The following DTNBP1 variants were observed in gnomAD, a reference collection of about 807,000 sequenced individuals.
DTNBP1 encodes dystrobrevin binding protein 1.
In DTNBP1, 35 loss-of-function variants were observed where a neutral mutation model predicts 42.8. That is an observed-to-expected ratio of 0.82 (90% CI 0.63 to 1.09). DTNBP1 has a LOEUF of 1.09. Among genes scored for constraint, DTNBP1 ranks in the 50% least tolerant of loss-of-function variants. The probability of loss-of-function intolerance (pLI) is 0.00; values close to 1 mark genes in which losing one functional copy is unlikely to be tolerated. For synonymous variants in DTNBP1, 171 were observed against 162.2 expected, an observed-to-expected ratio of 1.05 and a Z score of -0.41; for missense variants, 457 against 424.2, an observed-to-expected ratio of 1.08 and a Z score of -0.68.
chr6:15,655,507 G>T (rs1761229430), intron 1 of DTNBP1, among the ~76,000 whole-genome samples: 1 of 152,052 alleles, frequency 6.6e-6, no homozygotes, highest in East Asian at 1.9e-4. Flanking sequence ...TGGCCAATGT[G>T]CCAAAATGCA....
intron 7 of DTNBP1, among the ~76,000 whole-genome samples, chr6:15,534,970 C>T (rs1773126453): frequency 6.6e-6 from 1 of 152,136 alleles, no homozygotes; most frequent in Admixed American, 6.5e-5. Flanking sequence ...CCCCAAATCT[C>T]CCAGCTATAA....
intron 5 of DTNBP1, among the ~76,000 whole-genome samples, chr6:15,625,660 G>A (rs757201354): frequency 6.6e-6 from 1 of 152,168 alleles, no homozygotes; most frequent in Non-Finnish European, 1.5e-5. Flanking sequence ...GAGAACTGTG[G>A]CAGAATGCAT....
At chr6:15,541,230 C>A (rs1158121369) in intron 7 of DTNBP1, among the ~76,000 whole-genome samples, 1 of 152,148 alleles carries the variant, frequency 6.6e-6, no homozygotes, top group Non-Finnish European at 1.5e-5. Context: ...AGCGACGTGA[C>A]TGAATGAGGA....
rs370226322 is a variant in DTNBP1, at chr6:15,662,775, C to G, written c.56+39G>C. The stretch of plus-strand genomic sequence containing the variant: ...AGGGGCATCCCAGGCGGCGGCCCGG[C>G]CCCCTCAGGTCCCTTTTCGTCGCCC... On this transcript the variant is annotated intron_variant, in intron 1 of 9. Transcript: ENST00000344537. 7 of 1,611,408 alleles carry G rather than the reference C, an allele frequency of 4.3e-6. No individual in the cohort carries two copies. The Admixed American group carries it at 1.2e-4, about 27-fold the overall frequency.
chr6:15,593,105 C>G (rs1429315376), intron 6 of DTNBP1, 24 bp from the exon 7 acceptor site: 3 of 1,490,534 alleles, frequency 2.0e-6, no homozygotes, highest in Non-Finnish European at 2.7e-6. Flanking sequence ...AAAAAAAAGA[C>G]AAGACAATGC....
intron 3 of DTNBP1, among the ~76,000 whole-genome samples, chr6:15,647,821 A>G (rs1050899085): frequency 6.6e-6 from 1 of 151,990 alleles, no homozygotes; most frequent in Non-Finnish European, 1.5e-5. Flanking sequence ...GGTGAATTCT[A>G]CCAAACATTT....
chr6:15,594,766 T>C (rs1208493705), intron 6 of DTNBP1, among the ~76,000 whole-genome samples: 3 of 152,050 alleles, frequency 2.0e-5, no homozygotes, highest in Non-Finnish European at 4.4e-5. Context: ...AGTAATTCTT[T>C]TTTTTTTTCT....
chr6:15,573,540 C>T (rs909801812), intron 7 of DTNBP1, among the ~76,000 whole-genome samples: 3 of 152,130 alleles, frequency 2.0e-5, no homozygotes, highest in African/African-American at 2.4e-5. Flanking sequence ...AAGACAAGGG[C>T]GCAGTGGCTC....
chr6:15,527,721 G>A (rs1188665788), intron 8 of DTNBP1, among the ~76,000 whole-genome samples: 2 of 152,132 alleles, frequency 1.3e-5, no homozygotes, highest in Admixed American at 6.5e-5. Context: ...TATGTTCTGG[G>A]TAAGACTCAT....
At chr6:15,611,915 T>C (rs778389577) in intron 6 of DTNBP1, among the ~76,000 whole-genome samples, 8 of 152,190 alleles carry the variant, frequency 5.3e-5, no homozygotes, top group Non-Finnish European at 8.8e-5. Flanking sequence ...TGAACATTTT[T>C]GAAATGACAA....
At chr6:15,523,901 G>C (rs539159523) in intron 9 of DTNBP1, 1 of 1,287,260 alleles carries the variant, frequency 7.8e-7, no homozygotes, top group African/African-American at 1.5e-5. Context: ...TCTACAGATG[G>C]CTGAGGTGCT....
chr6:15,590,908 A>C (rs1776272389), intron 7 of DTNBP1, among the ~76,000 whole-genome samples: 1 of 152,214 alleles, frequency 6.6e-6, no homozygotes, highest in Admixed American at 6.5e-5. Flanking sequence ...CCCCCAATTT[A>C]GAAAAGAGCT....
intron 5 of DTNBP1, 88 bp downstream of exon 5, chr6:15,627,255 G>A (rs1211549752): frequency 1.3e-6 from 2 of 1,538,686 alleles, no homozygotes; most frequent in Non-Finnish European, 1.8e-6. Flanking sequence ...AATTTCATGT[G>A]TTCCTGAAAA....
chr6:15,583,782 A>C (rs938174719), intron 7 of DTNBP1, among the ~76,000 whole-genome samples: 1 of 152,216 alleles, frequency 6.6e-6, no homozygotes, highest in Non-Finnish European at 1.5e-5. Context: ...AAAATACTCT[A>C]TTGCTATAAT....
chr6:15,634,248 T>C (rs1392292177), intron 4 of DTNBP1, among the ~76,000 whole-genome samples: 1 of 152,226 alleles, frequency 6.6e-6, no homozygotes, highest in Non-Finnish European at 1.5e-5. Flanking sequence ...ATTCTACTGT[T>C]ATGCATTTTC....
At chr6:15,524,234 C>G (rs1188731823) in intron 9 of DTNBP1, 5 of 1,563,152 alleles carry the variant, frequency 3.2e-6, no homozygotes, top group South Asian at 1.1e-5. Flanking sequence ...GGAGCAGACT[C>G]AAATGGATTT....
At chr6:15,632,666 T>G (rs1057390783) in intron 4 of DTNBP1, among the ~76,000 whole-genome samples, 2 of 152,212 alleles carry the variant, frequency 1.3e-5, no homozygotes, top group African/African-American at 4.8e-5. Flanking sequence ...CATTAAAAAT[T>G]TGCTAAAACT....
intron 7 of DTNBP1, among the ~76,000 whole-genome samples, chr6:15,568,481 T>C (rs985895701): frequency 1.1e-4 from 16 of 152,212 alleles, no homozygotes; most frequent in Non-Finnish European, 2.9e-5. Flanking sequence ...AACTTTGTCA[T>C]GGAAAACAAA....
intron 1 of DTNBP1, among the ~76,000 whole-genome samples, chr6:15,652,791 C>T (rs1761082576): frequency 6.6e-6 from 1 of 151,956 alleles, no homozygotes; most frequent in South Asian, 2.1e-4. Context: ...CCATGCCCAG[C>T]TATTTGTTTC....
Sources: allele counts gnomAD v4.1 joint callset (sites outside exome capture counted in the v4.1 genomes callset), GRCh38; gene constraint gnomAD v4.1.1; transcripts MANE v1.5; gene names NCBI Gene and HGNC (gene_info 2026-07-23, HGNC 2026-07-21).